PHF24: variants seen among roughly 807,000 people sequenced by gnomAD.
The protein encoded by PHF24 is Galpha inhibitory interacting protein.
Under a neutral mutation model 42.6 loss-of-function variants are expected in PHF24, and 25 were observed. That is an observed-to-expected ratio of 0.59 (90% CI 0.43 to 0.82). PHF24 has a LOEUF of 0.82. Ranked by LOEUF, PHF24 falls within the 40% of genes least tolerant of loss-of-function variation. The probability of loss-of-function intolerance (pLI) is 0.00; values close to 1 mark genes in which losing one functional copy is unlikely to be tolerated. For synonymous variants in PHF24, 185 were observed against 204.8 expected (o/e 0.90, Z 0.83); for missense variants, 470 against 538.1 (o/e 0.87, Z 1.25).
chr9:34,740,421 C>T, the PHF24 span, among the ~76,000 whole-genome samples: 4 of 152,232 alleles, frequency 2.6e-5, no homozygotes, highest in East Asian at 3.9e-4. Flanking sequence ...TCGAGCGCAG[C>T]GCCGGTGGGC....
chr9:34,813,525 G>T, the PHF24 span, among the ~76,000 whole-genome samples: 1 of 152,160 alleles, frequency 6.6e-6, no homozygotes, highest in East Asian at 1.9e-4. Context: ...GACTGGGGAA[G>T]AATCTTCTTC....
the PHF24 span, among the ~76,000 whole-genome samples, chr9:34,915,724 C>CAA: frequency 6.6e-6 from 1 of 152,140 alleles, no homozygotes; most frequent in Non-Finnish European, 1.5e-5. Flanking sequence ...GATTCTTTGA[C>CAA]AAACAGAATT....
the PHF24 span, among the ~76,000 whole-genome samples, chr9:34,739,667 G>A: frequency 1.3e-5 from 2 of 152,132 alleles, no homozygotes; most frequent in East Asian, 3.9e-4. Context: ...AGACCTTCGC[G>A]GTGAGTGTTA....
At chr9:34,863,110 A>G in the PHF24 span, among the ~76,000 whole-genome samples, 1,142 of 152,074 alleles carry the variant, frequency 7.5e-3, 21 homozygotes, top group African/African-American at 0.026. Context: ...GCCACAGTAG[A>G]ATAGAGCACC....
At chr9:34,956,280 G>C (rs780103385), upstream of PHF24, among the ~76,000 whole-genome samples, 1 of 152,196 alleles carries the variant, frequency 6.6e-6, no homozygotes, top group Non-Finnish European at 1.5e-5. Context: ...GTGTGTGTGT[G>C]ACGGAGTTTC....
the PHF24 span, among the ~76,000 whole-genome samples, chr9:34,820,158 A>T: frequency 6.7e-6 from 1 of 149,616 alleles, no homozygotes; most frequent in African/African-American, 2.4e-5. Flanking sequence ...ATATAAATGT[A>T]TATATTATAT....
the PHF24 span, among the ~76,000 whole-genome samples, chr9:34,849,470 C>T: frequency 6.6e-6 from 1 of 151,750 alleles, no homozygotes; most frequent in Admixed American, 6.6e-5. Context: ...CTTCCTCCAT[C>T]CTTTTATTTT....
At chr9:34,665,982 AG>A in the PHF24 span, 10 of 422,072 alleles carry the variant, frequency 2.4e-5, no homozygotes, top group Non-Finnish European at 3.0e-5. Flanking sequence ...GGTCACCTGG[AG>A]GGGGGGCTGA....
chr9:34,695,289 G>A, the PHF24 span, among the ~76,000 whole-genome samples: 2 of 152,196 alleles, frequency 1.3e-5, no homozygotes, highest in African/African-American at 4.8e-5. Flanking sequence ...GGGGCTTCTG[G>A]ATAGCTGAAA....
the PHF24 span, chr9:34,728,649 G>T: frequency 6.4e-7 from 1 of 1,551,416 alleles, no homozygotes; most frequent in East Asian, 2.4e-5. Flanking sequence ...TGACTTTTTG[G>T]TGACACTTAG....
chr9:34,676,550 C>T, the PHF24 span, among the ~76,000 whole-genome samples: 42 of 152,292 alleles, frequency 2.8e-4, no homozygotes, highest in African/African-American at 9.4e-4. Context: ...AGATCTACTT[C>T]TGGGTTCCAG....
the PHF24 span, among the ~76,000 whole-genome samples, chr9:34,899,562 A>G: frequency 5.9e-5 from 9 of 152,204 alleles, no homozygotes; most frequent in South Asian, 2.1e-4. Flanking sequence ...TAGTTGCTGC[A>G]ACTCAGTGGC....
the PHF24 span, among the ~76,000 whole-genome samples, chr9:34,861,959 C>A: frequency 6.6e-6 from 1 of 152,164 alleles, no homozygotes; most frequent in South Asian, 2.1e-4. Flanking sequence ...ACATTTATTT[C>A]TTGCAGTCCT....
the PHF24 span, among the ~76,000 whole-genome samples, chr9:34,765,248 G>A: frequency 6.6e-6 from 1 of 151,870 alleles, no homozygotes; most frequent in Admixed American, 6.6e-5. Flanking sequence ...CAATTCCTGG[G>A]TATCCTTGTT....
At chr9:34,722,790 T>TA in the PHF24 span, among the ~76,000 whole-genome samples, 1 of 152,238 alleles carries the variant, frequency 6.6e-6, no homozygotes, top group Non-Finnish European at 1.5e-5. Flanking sequence ...AAGGTCTTAC[T>TA]ATGCATTAGC....
At chr9:34,845,737 G>T in the PHF24 span, among the ~76,000 whole-genome samples, 4 of 144,266 alleles carry the variant, frequency 2.8e-5, no homozygotes, top group Non-Finnish European at 4.6e-5. Flanking sequence ...CTCCTAAAGC[G>T]ATCCCTCCCC....
At chr9:34,671,170 G>A in the PHF24 span, among the ~76,000 whole-genome samples, 4 of 152,222 alleles carry the variant, frequency 2.6e-5, no homozygotes, top group African/African-American at 7.2e-5. Flanking sequence ...ATTCTCTACC[G>A]TGGCCTCCCT....
intron 1 of PHF24, among the ~76,000 whole-genome samples, chr9:34,962,642 T>C (rs1826632644): frequency 6.6e-6 from 1 of 152,264 alleles, no homozygotes; most frequent in Non-Finnish European, 1.5e-5. Context: ...TACATGGGGC[T>C]GAATCTGTGT....
At chr9:34,901,682 G>A in the PHF24 span, among the ~76,000 whole-genome samples, 5 of 152,126 alleles carry the variant, frequency 3.3e-5, no homozygotes, top group Admixed American at 6.6e-5. Flanking sequence ...TTGGGAGGCC[G>A]AGGCAGGTAG....
Sources: gnomAD v4.1 joint callset for allele counts (sites outside exome capture counted in the v4.1 genomes callset) on GRCh38, gnomAD v4.1.1 for gene constraint, MANE v1.5 for transcripts, NCBI Gene and HGNC (gene_info 2026-07-23, HGNC 2026-07-21) for gene names.